The following CRMP1 variants were observed in gnomAD, a reference collection of about 807,000 sequenced individuals.
The protein encoded by CRMP1 is dihydropyrimidinase-related protein 1.
A neutral mutation model predicts 68.3 loss-of-function variants in CRMP1; 19 were observed. The ratio of observed to expected loss-of-function variants is 0.28; its 90% CI spans 0.19 to 0.41. The LOEUF (loss-of-function observed/expected upper bound fraction) is 0.41, where lower values mean the gene tolerates loss of function less well. CRMP1 is among the 10% of genes least tolerant of loss of function. The pLI, the probability that CRMP1 is intolerant of heterozygous loss-of-function variation, is 1.00. For missense variants in CRMP1, 791 were observed against 967.4 expected, an observed-to-expected ratio of 0.82 and a Z score of 2.42; for synonymous variants, 439 against 399.6, an observed-to-expected ratio of 1.10 and a Z score of -1.18.
In CRMP1 at chr4:5,845,837, T is replaced by C. The variant is rs375701359; in HGVS notation, c.964-2676A>G. Among the ~76,000 whole-genome samples, 67 of 152,064 alleles carry C rather than the reference T, an allele frequency of 4.4e-4. No individual in the cohort carries two copies. In the East Asian group the frequency reaches 9.7e-3, roughly 22 times the overall value. On this transcript the variant is annotated intron_variant, in intron 6 of 13. Transcript: ENST00000324989. ...GCCTTGAATGGACTCTTAGAAGAAA[T>C]AGGGCCTCTGAGGACATTGAGTCCT...
intron 3 of CRMP1, among the ~76,000 whole-genome samples, chr4:5,857,355 TATCATCACC>T (rs1202586170): frequency 2.0e-5 from 3 of 151,452 alleles, no homozygotes; most frequent in South Asian, 2.1e-4. Context: ...TCACCACCAT[TATCATCACC>T]ATCATCACCA....
In CRMP1 at chr4:5,828,537, C is replaced by T; in HGVS notation, c.1755G>A (p.Arg585=). 1 of 1,614,264 alleles carries T rather than the reference C, an allele frequency of 6.2e-7. No homozygotes were observed. Among genetic ancestry groups the T allele is most frequent in the Non-Finnish European group, 8.5e-7 (1 of 1,180,044 alleles). The change falls in exon 12 of 14, where the codon CGG becomes CGA. Residue 585 remains arginine (R), a synonymous_variant. Transcript: ENST00000324989. ...VNKGMGRFIP[R]KAFPEHLYQR... ...GGTACAGGTGCTCCGGGAACGCCTTCCGCGGAATGAAGCGGCCCATGCCCT... is the reference window on the plus strand; with the variant it reads ...GGTACAGGTGCTCCGGGAACGCCTTTCGCGGAATGAAGCGGCCCATGCCCT...
intron 10 of CRMP1, 58 bp from the exon 11 acceptor site, chr4:5,836,143 C>T: frequency 7.4e-7 from 1 of 1,358,738 alleles, no homozygotes. Context: ...GGAGGAGGGG[C>T]AGCTGGGCAC....
intron 11 of CRMP1, among the ~76,000 whole-genome samples, chr4:5,835,602 G>A (rs548716347): frequency 1.3e-5 from 2 of 152,272 alleles, no homozygotes; most frequent in South Asian, 2.1e-4. Context: ...TTCCCTCGCT[G>A]AGCCCTGAAG....
chr4:5,887,405 C>A, intron 1 of CRMP1: 1 of 985,662 alleles, frequency 1.0e-6, no homozygotes, highest in Non-Finnish European at 1.2e-6. Flanking sequence ...TCCAGTGGTC[C>A]GCATCCCTCA....
At chr4:5,833,227 T>C (rs941449353) in intron 11 of CRMP1, among the ~76,000 whole-genome samples, 2 of 81,658 alleles carry the variant, frequency 2.4e-5, no homozygotes. Flanking sequence ...AGTGCAGTGG[T>C]GGGATCTCGG....
intron 2 of CRMP1, among the ~76,000 whole-genome samples, chr4:5,864,427 C>A (rs530027998): frequency 3.2e-4 from 48 of 152,340 alleles, no homozygotes; most frequent in African/African-American, 1.1e-3. Context: ...ACACCCTTCC[C>A]CACCCCCAAT....
chr4:5,869,681 C>CAAAAAAAAAAAAAAA (rs33973891), intron 1 of CRMP1, among the ~76,000 whole-genome samples: 1 of 92,914 alleles, frequency 1.1e-5, no homozygotes, highest in African/African-American at 4.3e-5. Flanking sequence ...AAGACTCCGT[C>CAAAAAAAAAAAAAAA]AAAAAAAAAA....
At position 5,859,997 on chromosome 4, in the gene CRMP1, G is replaced by A. The variant is rs1452380455; in HGVS notation, c.655+1029C>T. Among the ~76,000 whole-genome samples, 2 of 151,968 alleles carry A rather than the reference G, an allele frequency of 1.3e-5. No homozygotes were observed. The highest frequency in any genetic ancestry group is 2.9e-5 in the Non-Finnish European group (2 of 68,008). On this transcript the variant is annotated intron_variant, in intron 3 of 13. Transcript: ENST00000324989. The surrounding 1 kb of genome is among the most constrained non-coding windows in gnomAD (Gnocchi z 5.2). Reference sequence around the variant, plus strand: ...TATTAAAATGAATCCAAGCAAAAGCGGCTCTTCAAAATCAACACAAGAAAC... The same window carrying A: ...TATTAAAATGAATCCAAGCAAAAGCAGCTCTTCAAAATCAACACAAGAAAC...
chr4:5,858,583 C>T lies in CRMP1; in HGVS notation c.656-2276G>A, dbSNP rs553396481. On this transcript the variant is annotated intron_variant, in intron 3 of 13. Coordinates refer to ENST00000324989, the MANE Select transcript of CRMP1 (RefSeq NM_001014809.3). The surrounding 1 kb of genome is among the most constrained non-coding windows in gnomAD (Gnocchi z 5.5). ...TGTCCAATTCTGCCCACTCCATGGC[C>T]ACGCCACCCTCATCTCTCAGCTGAA... Among the ~76,000 whole-genome samples, 1 of 152,270 alleles carries T rather than the reference C, an allele frequency of 6.6e-6. No individual in the cohort carries two copies. The highest frequency in any genetic ancestry group is 2.1e-4 in the South Asian group (1 of 4,810).
At chr4:5,873,469 C>T (rs1319176965) in intron 1 of CRMP1, among the ~76,000 whole-genome samples, 3 of 151,254 alleles carry the variant, frequency 2.0e-5, no homozygotes, top group Non-Finnish European at 4.4e-5. Context: ...TGCTTGGCTT[C>T]TGGGGAGGCC....
intron 1 of CRMP1, among the ~76,000 whole-genome samples, chr4:5,874,251 A>G (rs1714656849): frequency 6.6e-6 from 1 of 152,254 alleles, no homozygotes; most frequent in Non-Finnish European, 1.5e-5. Context: ...TTCAGCTACT[A>G]CAGCTACTCA....
chr4:5,890,040 C>CCTG lies in CRMP1; in HGVS notation c.381+2548_381+2549insCAG. ...AGGTTCCCCTACACTCTGTTTACAACTCATTTCCCTCCACGCATTCATGCA... is the reference window on the plus strand; with the variant it reads ...AGGTTCCCCTACACTCTGTTTACAACCTGTCATTTCCCTCCACGCATTCATGCA... On this transcript the variant is annotated intron_variant, in intron 1 of 13. Coordinates refer to ENST00000324989, the MANE Select transcript of CRMP1 (RefSeq NM_001014809.3). This position sits in a 1 kb window ranked among gnomAD's most constrained non-coding sequence, Gnocchi z 5.5. 1.6e-6 allele frequency: 1 copy of CCTG among 626,536 alleles called. No individual in the cohort carries two copies. The highest frequency in any genetic ancestry group is 2.1e-6 in the Non-Finnish European group (1 of 471,602). 38.8% of individuals were successfully genotyped at this position (626,536 alleles called of 1,614,324 possible).
At chr4:5,851,526 T>A in intron 4 of CRMP1, 57 bp from the exon 5 acceptor site, 1 of 1,533,926 alleles carries the variant, frequency 6.5e-7, no homozygotes, top group Non-Finnish European at 9.0e-7. Context: ...GAAGCATGTC[T>A]TTCCAATAAA....
rs1013209890 is a variant in CRMP1, at chr4:5,861,913, A to G, written c.471-703T>C. On this transcript the variant is annotated intron_variant, in intron 2 of 13. Coordinates refer to ENST00000324989, the MANE Select transcript of CRMP1 (RefSeq NM_001014809.3). The surrounding 1 kb of genome is among the most constrained non-coding windows in gnomAD (Gnocchi z 6.0). ...AGCATATTAATTTTCTAAGTCACAA[A>G]AAACCCTAGTAATAAAGACACAGGA... Among the ~76,000 whole-genome samples the G allele has an allele frequency of 2.6e-5, 4 of 152,222 alleles. No homozygotes were observed. The highest frequency in any genetic ancestry group is 9.6e-5 in the African/African-American group (4 of 41,458).
chr4:5,829,319 G>A (rs1366273408), intron 11 of CRMP1, among the ~76,000 whole-genome samples: 1 of 152,146 alleles, frequency 6.6e-6, no homozygotes, highest in African/African-American at 2.4e-5. Context: ...AATCTGGGAG[G>A]TGGAGGTTGC....
chr4:5,820,876 A>T lies in CRMP1; in HGVS notation c.*884T>A, dbSNP rs1353160664. The T allele has an allele frequency of 1.3e-5, 2 of 152,162 alleles. No homozygotes were observed. The highest frequency in any genetic ancestry group is 2.9e-5 in the Non-Finnish European group (2 of 68,028). 9.4% of individuals were successfully genotyped at this position (152,162 alleles called of 1,614,324 possible). On this transcript the variant is annotated 3_prime_UTR_variant, in exon 14 of 14. Coordinates refer to ENST00000324989, the MANE Select transcript of CRMP1 (RefSeq NM_001014809.3). ...TGGTTGTTAAGTAAAAATGGGAGTG[A>T]TTACAAAGGAAAACTTTGTACAAAA...
rs909529864 is a variant in CRMP1, at chr4:5,860,088, G to C, written c.655+938C>G. Among the ~76,000 whole-genome samples, 1 of 152,132 alleles carries C rather than the reference G, an allele frequency of 6.6e-6. No individual in the cohort carries two copies. On this transcript the variant is annotated intron_variant, in intron 3 of 13. Coordinates refer to ENST00000324989, the MANE Select transcript of CRMP1 (RefSeq NM_001014809.3). This position sits in a 1 kb window ranked among gnomAD's most constrained non-coding sequence, Gnocchi z 4.2. ...TTCCCAGACCGAGCACTGCTGGGGA[G>C]TGGTCTCACTGCCCGCAGTGTTTCC...
chr4:5,854,361 C>A lies in CRMP1; in HGVS notation c.820+1782G>T, dbSNP rs1712882841. On this transcript the variant is annotated intron_variant, in intron 4 of 13. Coordinates refer to ENST00000324989, the MANE Select transcript of CRMP1 (RefSeq NM_001014809.3). This position sits in a 1 kb window ranked among gnomAD's most constrained non-coding sequence, Gnocchi z 4.0. Reference sequence around the variant, plus strand: ...CAAGCAATGCTCCTGCTCAGCCTCCCAAGTAGCTGGGAGGCGTACACCACC... The same window carrying A: ...CAAGCAATGCTCCTGCTCAGCCTCCAAAGTAGCTGGGAGGCGTACACCACC... Among the ~76,000 whole-genome samples the A allele has an allele frequency of 6.6e-6, 1 of 151,038 alleles. No individual in the cohort carries two copies.
Sources: gnomAD v4.1 joint callset for allele counts (sites outside exome capture counted in the v4.1 genomes callset) on GRCh38, gnomAD v4.1.1 for gene constraint, Gnocchi (gnomAD v3.1) non-coding constraint, MANE v1.5 for transcripts, NCBI Gene and HGNC (gene_info 2026-07-23, HGNC 2026-07-21) for gene names.